Variants in ADAMTS9 observed in about 807,000 individuals in gnomAD.
ADAMTS9 encodes the protein A disintegrin and metalloproteinase with thrombospondin motifs 9.
Under a neutral mutation model 257.1 loss-of-function variants are expected in ADAMTS9, and 107 were observed. The observed-to-expected ratio is 0.42, with a 90% CI of 0.36 to 0.49. ADAMTS9 has a LOEUF of 0.49. Among genes scored for constraint, ADAMTS9 ranks in the 20% least tolerant of loss-of-function variants. ADAMTS9 has a pLI of 0.03. For synonymous variants in ADAMTS9, 982 were observed against 880.9 expected (o/e 1.11, Z -2.03); for missense variants, 2,353 against 2,469.1 (o/e 0.95, Z 1.00).
Position 64,686,504 on chromosome 3 carries a change from A to G in ADAMTS9, c.516+64T>C. On this transcript the variant is annotated intron_variant, in intron 2 of 39. Transcript: ENST00000498707. The surrounding 1 kb of genome is among the most constrained non-coding windows in gnomAD (Gnocchi z 4.6). ...TGAGGGTCTCTAGGCTTAGAGGACA[A>G]TTAAGTCTTCTAGAAGCGGGCGAGG... 6.7e-7 allele frequency: 1 copy of G among 1,500,698 alleles called. No homozygotes were observed. The highest frequency in any genetic ancestry group is 8.9e-7 in the Non-Finnish European group (1 of 1,120,404). The allele number at this position is 1,500,698 out of a possible 1,614,324, so 93.0% of individuals were successfully genotyped here.
rs377179977 is a variant in ADAMTS9 at position 64,631,498 on chromosome 3, C to T, written c.2346G>A (p.Arg782=). 2.8e-5 allele frequency: 45 copies of T among 1,613,994 alleles called. No individual in the cohort carries two copies. The highest frequency in any genetic ancestry group is 1.6e-4 in the Middle Eastern group (1 of 6,084). Residue 782 remains arginine (R), a synonymous_variant, in exon 16 of 40, where the codon CGG becomes CGA. Coordinates refer to ENST00000498707, the MANE Select transcript of ADAMTS9 (RefSeq NM_182920.2). ...CTGTTTCCCCTGAGAAACTGTGCTG[C>T]CGCACATCAATATTGGTAGCACCAG... The part of the protein sequence containing the change: ...IPAGATNIDV[R]QHSFSGETDD...
At chr3:64,591,450 A>AT (rs1384178055) in intron 28 of ADAMTS9, among the ~76,000 whole-genome samples, 4 of 152,156 alleles carry the variant, frequency 2.6e-5, no homozygotes, top group Middle Eastern at 3.4e-3. Context: ...AAAAAAAAAA[A>AT]GGAACCTTAT....
intron 28 of ADAMTS9, chr3:64,588,923 G>C: frequency 6.6e-6 from 1 of 152,088 alleles, no homozygotes; most frequent in East Asian, 1.9e-4. Flanking sequence ...TTGTAAATTC[G>C]TATGTCATAA....
chr3:64,640,753 T>C (rs1700616370), intron 12 of ADAMTS9, among the ~76,000 whole-genome samples: 1 of 152,236 alleles, frequency 6.6e-6, no homozygotes, highest in Non-Finnish European at 1.5e-5. Context: ...CAACTATGTA[T>C]GTCTTAGATC....
rs9864803 is a variant in ADAMTS9, at chr3:64,594,550, T to C, written c.4180-116A>G. ...TATGGCATTGGGCAAGGTAAGCCTC[T>C]GACAGATGGAACCAAGGTGAATTAC... On this transcript the variant is annotated intron_variant, in intron 27 of 39. Coordinates refer to ENST00000498707, the MANE Select transcript of ADAMTS9 (RefSeq NM_182920.2). 300 of 1,286,398 alleles carry C rather than the reference T, an allele frequency of 2.3e-4. 1 individual carries two copies. The African/African-American group carries it at 4.0e-3, about 17-fold the overall frequency. The allele number at this position is 1,286,398 out of a possible 1,614,324, so 79.7% of individuals were successfully genotyped here.
chr3:64,600,718 G>T (rs944436470), intron 26 of ADAMTS9, among the ~76,000 whole-genome samples: 7 of 152,194 alleles, frequency 4.6e-5, no homozygotes, highest in African/African-American at 1.4e-4. Context: ...AAGAGAGGGG[G>T]ATGGGATAGC....
chr3:64,605,423 T>C (rs1426850404), intron 23 of ADAMTS9, among the ~76,000 whole-genome samples: 1 of 152,236 alleles, frequency 6.6e-6, no homozygotes, highest in Non-Finnish European at 1.5e-5. Context: ...GGTTAATTGA[T>C]CGATGATGAC....
rs529330184 is a variant in ADAMTS9, at chr3:64,542,363, G to C, written c.5065-393C>G. Among the ~76,000 whole-genome samples, 26 of 151,648 alleles carry C rather than the reference G, an allele frequency of 1.7e-4. 2 individuals carry two copies. The South Asian group carries it at 5.4e-3, about 32-fold the overall frequency. On this transcript the variant is annotated intron_variant, in intron 32 of 39. Transcript: ENST00000498707. ...TTGTTCAAGGTCATAGTGGAGCCAG[G>C]ATTCAAACCCTAACTGCTTCCAAGT...
At position 64,682,397 on chromosome 3, in the gene ADAMTS9, A is replaced by G. The variant is rs1313752285; in HGVS notation, c.517-1034T>C. Among the ~76,000 whole-genome samples the G allele has an allele frequency of 2.0e-5, 3 of 152,212 alleles. No homozygotes were observed. In the South Asian group the frequency reaches 6.2e-4, roughly 32 times the overall value. On this transcript the variant is annotated intron_variant, in intron 2 of 39. Coordinates refer to ENST00000498707, the MANE Select transcript of ADAMTS9 (RefSeq NM_182920.2). ...AGGATAAAATTTGCTCTTACTAATC[A>G]TTCTAAGCACCTTGCAAGTCATTTT... is the stretch of plus-strand genomic sequence containing the variant.
chr3:64,521,414 C>T (rs2106869496), intron 39 of ADAMTS9: 1 of 152,222 alleles, frequency 6.6e-6, no homozygotes, highest in South Asian at 2.1e-4. Context: ...AATATAACTA[C>T]CATTTGACCC....
chr3:64,522,250 C>A lies in ADAMTS9; in HGVS notation c.5729G>T (p.Arg1910Leu), dbSNP rs149935016. 2.5e-6 allele frequency: 4 copies of A among 1,613,880 alleles called. No individual in the cohort carries two copies. Among genetic ancestry groups the A allele is most frequent in the Non-Finnish European group, 3.4e-6 (4 of 1,179,926 alleles). ...SDIKKSPDGT[R>L]VVGKCGGYCG... The stretch of plus-strand genomic sequence containing the variant: ...GTAACCACCGCATTTCCCTACGACT[C>A]GGGTACCATCCTGCAAGGAGATGCA... The change falls in exon 39 of 40, where the codon CGA (arginine) becomes CTA (leucine). Residue 1910 changes from arginine (R) to leucine (L), a missense_variant. Around this residue, in one of 3 missense-constraint regions of ADAMTS9, gnomAD observed 1,402 missense variants for 1,441.4 expected, o/e 0.97. Transcript: ENST00000498707.
At chr3:64,562,852 A>T (rs527598048) in intron 29 of ADAMTS9, 15 of 152,344 alleles carry the variant, frequency 9.8e-5, no homozygotes, top group African/African-American at 3.6e-4. Context: ...ACTATCAAGA[A>T]TCACACCCAA....
chr3:64,549,966 T>C (rs1485440064), intron 31 of ADAMTS9, among the ~76,000 whole-genome samples: 1 of 152,190 alleles, frequency 6.6e-6, no homozygotes, highest in Admixed American at 6.5e-5. Context: ...CTGTCAAACT[T>C]TGAAGAGACC....
intron 12 of ADAMTS9, among the ~76,000 whole-genome samples, chr3:64,640,853 T>C (rs1373969155): frequency 6.6e-6 from 1 of 151,992 alleles, no homozygotes; most frequent in African/African-American, 2.4e-5. Context: ...CGCCCATGTC[T>C]GCTATGACAA....
At position 64,517,416 on chromosome 3, in the gene ADAMTS9, GTTTTTTT is replaced by G. The variant is rs755480110; in HGVS notation, c.*6-302_*6-296del. ...CATCAAGCCCAGCTAATTAAAAATGGTTTTTTTTTTTTTTTTTTTTTTTGCAGAAATG... is the reference window on the plus strand; with the variant it reads ...CATCAAGCCCAGCTAATTAAAAATGGTTTTTTTTTTTTTTTTGCAGAAATG... On this transcript the variant is annotated intron_variant, in intron 39 of 39. Coordinates refer to ENST00000498707, the MANE Select transcript of ADAMTS9 (RefSeq NM_182920.2). Among the ~76,000 whole-genome samples the G allele has an allele frequency of 3.6e-4, 19 of 52,668 alleles. 1 individual carries two copies. Among genetic ancestry groups the G allele is most frequent in the Admixed American group, 1.1e-3 (3 of 2,656 alleles). 34.6% of individuals were successfully genotyped at this position (52,668 alleles called of 152,430 possible). A position where few individuals can be genotyped will look rare whatever the true frequency, so the allele number is the denominator to read the frequency against.
intron 31 of ADAMTS9, among the ~76,000 whole-genome samples, chr3:64,548,864 A>C (rs1007157971): frequency 6.6e-6 from 1 of 152,270 alleles, no homozygotes; most frequent in African/African-American, 2.4e-5. Flanking sequence ...ATTGAAAATA[A>C]CAGCAAAGCA....
At chr3:64,670,868 A>G (rs1414263912) in intron 3 of ADAMTS9, among the ~76,000 whole-genome samples, 2 of 152,224 alleles carry the variant, frequency 1.3e-5, no homozygotes, top group Admixed American at 1.3e-4. Context: ...ACAAAAGCAG[A>G]ACAACAAAAT....
At chr3:64,547,355 AG>A (rs1553701733) in intron 31 of ADAMTS9, among the ~76,000 whole-genome samples, 2 of 2,256 alleles carry the variant, frequency 8.9e-4, no homozygotes, top group South Asian at 0.33. Context: ...AAGAGGAGAC[AG>A]CAGCAGCTGA....
Position 64,649,872 on chromosome 3 carries a change from G to A in ADAMTS9, c.1464-94C>T, listed in dbSNP as rs1054866983. 2.8e-5 allele frequency: 39 copies of A among 1,403,916 alleles called. No individual in the cohort carries two copies. The East Asian group carries it at 8.3e-4, about 30-fold the overall frequency. The allele number at this position is 1,403,916 out of a possible 1,614,324, so 87.0% of individuals were successfully genotyped here. A position where few individuals can be genotyped will look rare whatever the true frequency, so the allele number is the denominator to read the frequency against. ...TAAAGGCCACCCCACCATTGTAATGGTAGAGAGGACAGTTACTTTTTAACA... is the reference window on the plus strand; with the variant it reads ...TAAAGGCCACCCCACCATTGTAATGATAGAGAGGACAGTTACTTTTTAACA... On this transcript the variant is annotated intron_variant, in intron 9 of 39. Transcript: ENST00000498707.
Sources: gnomAD v4.1 joint callset for allele counts (sites outside exome capture counted in the v4.1 genomes callset) on GRCh38, gnomAD v4.1.1 for gene constraint, gnomAD v4.1.1 regional missense constraint, Gnocchi (gnomAD v3.1) non-coding constraint, MANE v1.5 for transcripts, NCBI Gene and HGNC (gene_info 2026-07-23, HGNC 2026-07-21) for gene names.